Variants in CUL3 observed in about 807,000 individuals in gnomAD.
CUL3 encodes cullin-3.
Under a neutral mutation model 89.1 loss-of-function variants are expected in CUL3, and 19 were observed. The observed-to-expected ratio is 0.21, with a 90% CI of 0.15 to 0.31. The LOEUF (loss-of-function observed/expected upper bound fraction) is 0.31, where lower values mean the gene tolerates loss of function less well. CUL3 is among the 10% of genes least tolerant of loss of function. The pLI is 1.00. For missense variants in CUL3, 469 were observed against 942.3 expected (o/e 0.50, Z 6.58); for synonymous variants, 351 against 308.4 (o/e 1.14, Z -1.45).
At chr2:224,546,749 T>C (rs1269916436) in intron 2 of CUL3, among the ~76,000 whole-genome samples, 1 of 152,156 alleles carries the variant, frequency 6.6e-6, no homozygotes, top group Non-Finnish European at 1.5e-5. Context: ...GCAAACTTGT[T>C]AAAACAACAC....
intron 14 of CUL3, among the ~76,000 whole-genome samples, 155 bp downstream of exon 14, chr2:224,481,737 A>G (rs1655152460): frequency 1.3e-5 from 2 of 152,174 alleles, no homozygotes; most frequent in African/African-American, 4.8e-5. Context: ...ATTTTGATAC[A>G]AATACTTATC....
intron 3 of CUL3, among the ~76,000 whole-genome samples, chr2:224,535,284 C>G (rs763566025): frequency 3.9e-5 from 6 of 152,170 alleles, no homozygotes; most frequent in Non-Finnish European, 8.8e-5. Flanking sequence ...AGCGATTCTC[C>G]TGCCTCAGCC....
chr2:224,475,866 T>C (rs1691299014), intron 15 of CUL3, among the ~76,000 whole-genome samples: 2 of 152,208 alleles, frequency 1.3e-5, no homozygotes, highest in South Asian at 2.1e-4. Context: ...TACATCATTA[T>C]CAACCTACCA....
At chr2:224,532,930 A>T (rs1203336339) in intron 3 of CUL3, 1 of 152,248 alleles carries the variant, frequency 6.6e-6, no homozygotes, top group East Asian at 1.9e-4. Flanking sequence ...AAGGGGAGAA[A>T]ATACAAGTAA....
intron 2 of CUL3, among the ~76,000 whole-genome samples, chr2:224,548,934 G>A (rs542747888): frequency 2.1e-4 from 32 of 152,128 alleles, no homozygotes; most frequent in African/African-American, 5.8e-4. Context: ...CCTGGGAGGC[G>A]GAGAATGCAG....
chr2:224,504,313 C>T (rs1232666258), intron 8 of CUL3: 1 of 152,108 alleles, frequency 6.6e-6, no homozygotes, highest in African/African-American at 2.4e-5. Context: ...TTTTTTATTT[C>T]TATTTTTTTT....
At chr2:224,575,082 A>T (rs531281294) in intron 1 of CUL3, among the ~76,000 whole-genome samples, 2 of 152,240 alleles carry the variant, frequency 1.3e-5, no homozygotes, top group Non-Finnish European at 2.9e-5. Context: ...GAATGAATAA[A>T]GATGCAGATT....
In CUL3 at chr2:224,506,046, A is replaced by G; in HGVS notation, c.1116T>C (p.Gly372=). 1 of 1,612,768 alleles carries G rather than the reference A, an allele frequency of 6.2e-7. No individual in the cohort carries two copies. The highest frequency in any genetic ancestry group is 8.5e-7 in the Non-Finnish European group (1 of 1,179,144). Residue 372 remains glycine, a synonymous_variant, in exon 8 of 16, where the codon GGT becomes GGC. Transcript: ENST00000264414. ...NDRLFKQTIA[G]DFEYFLNLNS... ...TGAGGTTGAGAAAATACTCAAAGTCACCCGCAATAGTTTGTTTAAAGAGAC... is the reference window on the plus strand; with the variant it reads ...TGAGGTTGAGAAAATACTCAAAGTCGCCCGCAATAGTTTGTTTAAAGAGAC...
chr2:224,516,590 C>T (rs1220754165), intron 3 of CUL3, among the ~76,000 whole-genome samples: 3 of 151,976 alleles, frequency 2.0e-5, no homozygotes, highest in Admixed American at 6.6e-5. Context: ...GCTGGGATTA[C>T]AGGCGCGAGC....
intron 3 of CUL3, among the ~76,000 whole-genome samples, chr2:224,530,901 T>A (rs1693674088): frequency 1.4e-5 from 2 of 147,176 alleles, no homozygotes; most frequent in South Asian, 4.3e-4. Context: ...AGCAAGACCC[T>A]GTCTCAAAAA....
At chr2:224,551,865 T>C (rs1280068418) in intron 2 of CUL3, among the ~76,000 whole-genome samples, 3 of 152,240 alleles carry the variant, frequency 2.0e-5, no homozygotes, top group Admixed American at 6.5e-5. Context: ...ACTTTTCTTG[T>C]GAGCGCTTAT....
rs140989899 is a variant in CUL3, at chr2:224,484,862, G to A, written c.1843-2784C>T. 1.9e-3 allele frequency among the ~76,000 whole-genome samples: 285 copies of A among 152,300 alleles called. 3 individuals are homozygous for A. The highest frequency in any genetic ancestry group is 6.0e-3 in the African/African-American group (251 of 41,558). On this transcript the variant is annotated intron_variant, in intron 13 of 15. Coordinates refer to ENST00000264414, the MANE Select transcript of CUL3 (RefSeq NM_003590.5). The stretch of plus-strand genomic sequence containing the variant: ...CTGGCAAGATGGCCGAATAGGAACA[G>A]CTCCGATCTGCAGCTCCCAGCGAGA...
intron 1 of CUL3, among the ~76,000 whole-genome samples, chr2:224,561,877 A>ACTAT (rs1257346456): frequency 2.0e-5 from 3 of 151,624 alleles, no homozygotes; most frequent in African/African-American, 7.2e-5. Flanking sequence ...AAACTAAGAC[A>ACTAT]CTATCTCTTG....
chr2:224,572,979 A>G (rs1212011270), intron 1 of CUL3, among the ~76,000 whole-genome samples: 1 of 152,224 alleles, frequency 6.6e-6, no homozygotes, highest in African/African-American at 2.4e-5. Flanking sequence ...CACCACAAAA[A>G]GATTTCAAGA....
intron 2 of CUL3, among the ~76,000 whole-genome samples, chr2:224,551,936 G>A (rs924186643): frequency 6.6e-6 from 1 of 152,118 alleles, no homozygotes; most frequent in African/African-American, 2.4e-5. Flanking sequence ...GACCTATGTG[G>A]TTGTCTTTAT....
intron 8 of CUL3, 105 bp downstream of exon 8, chr2:224,505,851 C>A: frequency 2.8e-6 from 2 of 710,824 alleles, no homozygotes; most frequent in East Asian, 6.0e-5. Context: ...TTAAGCACAG[C>A]AATGGGTCAT....
chr2:224,500,529 G>A lies in CUL3; in HGVS notation c.1486-42C>T. On this transcript the variant is annotated intron_variant, in intron 10 of 15. Transcript: ENST00000264414. Reference sequence around the variant, plus strand: ...GAGATATTCCCCTCAAAATTAACTAGGATTTGCTTTCTGTTCTGTTTAGAC... The same window carrying A: ...GAGATATTCCCCTCAAAATTAACTAAGATTTGCTTTCTGTTCTGTTTAGAC... 2 of 1,601,540 alleles carry A rather than the reference G, an allele frequency of 1.2e-6. 1 individual carries two copies. The highest frequency in any genetic ancestry group is 2.2e-5 in the South Asian group (2 of 90,208).
intron 13 of CUL3, among the ~76,000 whole-genome samples, chr2:224,490,023 AT>A (rs1691896353): frequency 6.6e-6 from 1 of 152,226 alleles, no homozygotes; most frequent in African/African-American, 2.4e-5. Context: ...AAAGAACCCC[AT>A]CAAAAAGTGG....
chr2:224,503,095 T>C (rs1001548037), intron 9 of CUL3, 23 bp from the exon 10 acceptor site: 1 of 1,354,798 alleles, frequency 7.4e-7, no homozygotes, highest in Non-Finnish European at 1.1e-6. Flanking sequence ...AACACAAATA[T>C]ACACAAATAA....
Sources: gnomAD v4.1 joint callset for allele counts (sites outside exome capture counted in the v4.1 genomes callset) on GRCh38, gnomAD v4.1.1 for gene constraint, MANE v1.5 for transcripts, NCBI Gene and HGNC (gene_info 2026-07-23, HGNC 2026-07-21) for gene names.